PALM2AKAP2: variants seen among roughly 807,000 people sequenced by gnomAD.
PALM2AKAP2 encodes the protein PALM2 and AKAP2 fusion.
Under a neutral mutation model 71.5 loss-of-function variants are expected in PALM2AKAP2, and 37 were observed. That is an observed-to-expected ratio of 0.52 (90% CI 0.40 to 0.68). The LOEUF is 0.68. Among genes scored for constraint, PALM2AKAP2 ranks in the 30% least tolerant of loss-of-function variants. The probability of loss-of-function intolerance (pLI) is 0.00; values close to 1 mark genes in which losing one functional copy is unlikely to be tolerated. For synonymous variants in PALM2AKAP2, 468 were observed against 478.8 expected (o/e 0.98, Z 0.29); for missense variants, 1,224 against 1,191.8 (o/e 1.03, Z -0.40).
chr9:110,145,398 A>C (rs1836139743), intron 2 of PALM2AKAP2, among the ~76,000 whole-genome samples: 1 of 152,228 alleles, frequency 6.6e-6, no homozygotes, highest in Non-Finnish European at 1.5e-5. Flanking sequence ...CCCAGGAAGA[A>C]GCTCTGCCAT....
At chr9:109,995,922 G>A (rs1308467468) in intron 6 of PALM2AKAP2, among the ~76,000 whole-genome samples, 3 of 152,210 alleles carry the variant, frequency 2.0e-5, no homozygotes, top group Non-Finnish European at 4.4e-5. Context: ...GATGAGGCAG[G>A]AAAGATACTG....
chr9:109,807,676 A>T (rs926302652), intron 1 of PALM2AKAP2, among the ~76,000 whole-genome samples: 3 of 152,004 alleles, frequency 2.0e-5, no homozygotes, highest in Non-Finnish European at 4.4e-5. Context: ...AATGACATGG[A>T]GGGAGAAAAT....
chr9:109,704,707 A>G (rs559067101), intron 1 of PALM2AKAP2, among the ~76,000 whole-genome samples: 2 of 152,272 alleles, frequency 1.3e-5, no homozygotes, highest in South Asian at 4.2e-4. Flanking sequence ...CAGCTCTGCC[A>G]CCATCTACCT....
chr9:110,062,457 T>C (rs1588085602), intron 1 of PALM2AKAP2, among the ~76,000 whole-genome samples: 2 of 152,196 alleles, frequency 1.3e-5, no homozygotes, highest in South Asian at 4.1e-4. Flanking sequence ...TATTCCATGG[T>C]GTATATGTAC....
rs1831826431 is a variant in PALM2AKAP2 at position 109,960,133 on chromosome 9, A to G, written c.496+28105A>G. On this transcript the variant is annotated intron_variant, in intron 6 of 9. Transcript: ENST00000302798. ...GATCCCACCCTGGCCCTCACTGGCC[A>G]TTTTCACCCCTTCCCCACACTTGGC... Among the ~76,000 whole-genome samples the G allele has an allele frequency of 1.3e-5, 2 of 151,998 alleles. 1 individual carries two copies. The highest frequency in any genetic ancestry group is 4.2e-4 in the South Asian group (2 of 4,800).
intron 1 of PALM2AKAP2, among the ~76,000 whole-genome samples, chr9:109,800,450 T>C (rs1289241666): frequency 6.6e-6 from 1 of 152,202 alleles, no homozygotes; most frequent in Non-Finnish European, 1.5e-5. Flanking sequence ...TGAGTCCAGA[T>C]TCAAACTCAG....
chr9:109,732,560 T>G (rs1828572129), intron 1 of PALM2AKAP2, among the ~76,000 whole-genome samples: 2 of 152,166 alleles, frequency 1.3e-5, no homozygotes, highest in Non-Finnish European at 2.9e-5. Context: ...AGAGCTAAAT[T>G]GTTTCCACTC....
At chr9:110,057,261 G>A (rs1317306430) in intron 1 of PALM2AKAP2, among the ~76,000 whole-genome samples, 3 of 151,660 alleles carry the variant, frequency 2.0e-5, no homozygotes, top group Non-Finnish European at 4.4e-5. Flanking sequence ...ATAGTCACCA[G>A]CATTTTTCAA....
intron 1 of PALM2AKAP2, among the ~76,000 whole-genome samples, chr9:109,854,659 A>T (rs929399637): frequency 4.0e-5 from 6 of 151,376 alleles, no homozygotes; most frequent in Non-Finnish European, 7.4e-5. Context: ...GCTATCCTGT[A>T]GCATGATCAT....
intron 6 of PALM2AKAP2, among the ~76,000 whole-genome samples, chr9:109,982,045 C>A (rs1239236927): frequency 6.6e-6 from 1 of 152,120 alleles, no homozygotes; most frequent in South Asian, 2.1e-4. Flanking sequence ...TTGGAAGCAA[C>A]CTAAATGTCC....
At chr9:109,773,489 C>T (rs1442158809) in intron 1 of PALM2AKAP2, among the ~76,000 whole-genome samples, 2 of 152,176 alleles carry the variant, frequency 1.3e-5, no homozygotes, top group Admixed American at 1.3e-4. Context: ...TCCCTAAGCC[C>T]TACTTTTGAA....
intron 1 of PALM2AKAP2, among the ~76,000 whole-genome samples, chr9:109,697,560 TTAG>T (rs544350043): frequency 6.6e-6 from 1 of 152,190 alleles, no homozygotes; most frequent in Non-Finnish European, 1.5e-5. Flanking sequence ...AAACAAAGCA[TTAG>T]TAGTATCAAA....
In PALM2AKAP2 at chr9:110,016,051, T is replaced by C. The variant is rs1346908898; in HGVS notation, c.582+12T>C. The C allele has an allele frequency of 6.2e-7, 1 of 1,611,464 alleles. No individual in the cohort carries two copies. The highest frequency in any genetic ancestry group is 8.5e-7 in the Non-Finnish European group (1 of 1,177,896). ...ACATGACTATCAAGGTAAGGGATTCTCTTCAGGTTGATTCTCAAAGTGTAT... is the reference window on the plus strand; with the variant it reads ...ACATGACTATCAAGGTAAGGGATTCCCTTCAGGTTGATTCTCAAAGTGTAT... On this transcript the variant is annotated intron_variant, in intron 7 of 9. Coordinates refer to the PALM2AKAP2 transcript ENST00000302798.
At chr9:109,820,129 T>G (rs1191080340) in intron 1 of PALM2AKAP2, among the ~76,000 whole-genome samples, 3 of 152,218 alleles carry the variant, frequency 2.0e-5, no homozygotes, top group Admixed American at 1.3e-4. Context: ...ATTATTAGAA[T>G]TTGAATATCA....
chr9:110,030,059 T>C (rs1833252233), intron 7 of PALM2AKAP2, among the ~76,000 whole-genome samples: 1 of 152,096 alleles, frequency 6.6e-6, no homozygotes, highest in South Asian at 2.1e-4. Flanking sequence ...CGTTGAAAAA[T>C]CAATTGACAC....
At chr9:109,761,590 G>A (rs1790961528) in intron 1 of PALM2AKAP2, among the ~76,000 whole-genome samples, 3 of 152,068 alleles carry the variant, frequency 2.0e-5, no homozygotes, top group Non-Finnish European at 2.9e-5. Context: ...TGTTCTCATT[G>A]TTCACCTCCC....
At chr9:109,835,510 T>C (rs142542737) in intron 1 of PALM2AKAP2, among the ~76,000 whole-genome samples, 1,612 of 152,106 alleles carry the variant, frequency 0.011, 11 homozygotes, top group Middle Eastern at 0.048. Context: ...TTCATCTCAT[T>C]GGGGCTTGTC....
chr9:109,701,897 A>G (rs1164165733), intron 1 of PALM2AKAP2, among the ~76,000 whole-genome samples: 1 of 152,202 alleles, frequency 6.6e-6, no homozygotes, highest in African/African-American at 2.4e-5. Context: ...CAAATTTACA[A>G]GAAAAAAACA....
At chr9:110,067,770 G>T (rs750147291) in intron 1 of PALM2AKAP2, among the ~76,000 whole-genome samples, 36 of 152,120 alleles carry the variant, frequency 2.4e-4, no homozygotes, top group Non-Finnish European at 4.1e-4. Flanking sequence ...ACTGAATTTT[G>T]GTGTTGTCTT....
Sources: allele counts gnomAD v4.1 joint callset (sites outside exome capture counted in the v4.1 genomes callset), GRCh38; gene constraint gnomAD v4.1.1; transcripts MANE v1.5; gene names NCBI Gene and HGNC (gene_info 2026-07-23, HGNC 2026-07-21).